ADORA2B: variants seen among roughly 807,000 people sequenced by gnomAD.
ADORA2B encodes adenosine A2b receptor.
A neutral mutation model predicts 20.8 loss-of-function variants in ADORA2B; 18 were observed. The observed-to-expected ratio is 0.87, with a 90% CI of 0.60 to 1.29. The LOEUF is 1.29. Among genes scored for constraint, ADORA2B ranks in the 50% most tolerant of loss-of-function variants. The probability of loss-of-function intolerance (pLI) is 0.00; values close to 1 mark genes in which losing one functional copy is unlikely to be tolerated. For missense variants in ADORA2B, 441 were observed against 422.7 expected (o/e 1.04, Z -0.38); for synonymous variants, 179 against 178.3 (o/e 1.00, Z -0.03).
At chr17:15,952,687 GAAGCT>G (rs1969920551) in intron 1 of ADORA2B, among the ~76,000 whole-genome samples, 1 of 152,218 alleles carries the variant, frequency 6.6e-6, no homozygotes, top group Admixed American at 6.5e-5. Context: ...AGTGAGGAAA[GAAGCT>G]AAGCCCTGGC....
chr17:15,921,815 T>G, the ADORA2B span, among the ~76,000 whole-genome samples: 1 of 152,092 alleles, frequency 6.6e-6, no homozygotes, highest in Non-Finnish European at 1.5e-5. Flanking sequence ...CTTAAGGGAG[T>G]GGCATTTATC....
upstream of ADORA2B, among the ~76,000 whole-genome samples, chr17:15,944,699 G>GC (rs1337146456): frequency 6.6e-6 from 1 of 152,104 alleles, no homozygotes; most frequent in Non-Finnish European, 1.5e-5. This position sits in a 1 kb window ranked among gnomAD's most constrained non-coding sequence, Gnocchi z 4.8. Context: ...CTGCCCGGCA[G>GC]CCCCCCATCC....
intron 1 of ADORA2B, among the ~76,000 whole-genome samples, chr17:15,947,105 G>C (rs1969816954): frequency 6.6e-6 from 1 of 152,174 alleles, no homozygotes; most frequent in African/African-American, 2.4e-5. Flanking sequence ...CGTGCTGTTG[G>C]ACCAGGAGGC....
At chr17:15,912,685 A>T in the ADORA2B span, among the ~76,000 whole-genome samples, 2 of 152,184 alleles carry the variant, frequency 1.3e-5, no homozygotes, top group African/African-American at 2.4e-5. Flanking sequence ...AGTGGTTCAC[A>T]CATGCATATG....
In ADORA2B at chr17:15,974,854, T is replaced by C; in HGVS notation, c.511T>C (p.Cys171Arg). 6.2e-7 allele frequency: 1 copy of C among 1,614,138 alleles called. No homozygotes were observed. Reference sequence around the variant, plus strand: ...GAATGAAAGCTGCTGCCTTGTGAAGTGTCTCTTTGAGAATGTGGTCCCCAT... The same window carrying C: ...GAATGAAAGCTGCTGCCTTGTGAAGCGTCTCTTTGAGAATGTGGTCCCCAT... ...TTNESCCLVK[C>R]LFENVVPMSY... Residue 171 changes from cysteine (C) to arginine (R), a missense_variant, in exon 2 of 2, where the codon TGT becomes CGT. Transcript: ENST00000304222.
chr17:15,971,899 C>T (rs552429485), intron 1 of ADORA2B, among the ~76,000 whole-genome samples: 1 of 152,246 alleles, frequency 6.6e-6, no homozygotes, highest in African/African-American at 2.4e-5. Flanking sequence ...TCCTGAAGTA[C>T]TGGGATTATA....
the ADORA2B span, among the ~76,000 whole-genome samples, chr17:15,924,295 A>G: frequency 6.6e-6 from 1 of 152,200 alleles, no homozygotes; most frequent in Non-Finnish European, 1.5e-5. Flanking sequence ...ATAACCTTCT[A>G]CAACTTTCAT....
At chr17:15,922,656 A>G in the ADORA2B span, among the ~76,000 whole-genome samples, 2 of 152,326 alleles carry the variant, frequency 1.3e-5, no homozygotes, top group South Asian at 2.1e-4. Flanking sequence ...TCTTATGACA[A>G]TGCTATCATT....
At chr17:15,928,689 A>T in the ADORA2B span, among the ~76,000 whole-genome samples, 1 of 152,156 alleles carries the variant, frequency 6.6e-6, no homozygotes, top group East Asian at 1.9e-4. Flanking sequence ...GGACTCCGTG[A>T]AGGTGGGTCA....
At chr17:15,923,739 A>G in the ADORA2B span, among the ~76,000 whole-genome samples, 3,336 of 151,682 alleles carry the variant, frequency 0.022, 61 homozygotes, top group Non-Finnish European at 0.033. Context: ...GTGTTTGGAA[A>G]CCTCATCTTG....
the ADORA2B span, among the ~76,000 whole-genome samples, chr17:15,936,450 CTGGGA>C: frequency 1.3e-5 from 2 of 152,020 alleles, no homozygotes; most frequent in African/African-American, 2.4e-5. Flanking sequence ...TCCCAAGTAG[CTGGGA>C]TTATAGGCCT....
chr17:15,916,793 A>G, the ADORA2B span, among the ~76,000 whole-genome samples: 1 of 152,206 alleles, frequency 6.6e-6, no homozygotes, highest in Non-Finnish European at 1.5e-5. Flanking sequence ...CTCCTCCCTT[A>G]GAAGGGGTTG....
chr17:15,938,485 G>A, the ADORA2B span, among the ~76,000 whole-genome samples: 2 of 152,100 alleles, frequency 1.3e-5, no homozygotes, highest in African/African-American at 4.8e-5. Context: ...TGTATGTGTA[G>A]TAGAGACGAG....
chr17:15,945,241 G>T lies in ADORA2B; in HGVS notation c.-8G>T, dbSNP rs941562234. 3.8e-5 allele frequency: 54 copies of T among 1,417,334 alleles called. No individual in the cohort carries two copies. Among genetic ancestry groups the T allele is most frequent in the Non-Finnish European group, 4.5e-5 (49 of 1,091,994 alleles). The allele number at this position is 1,417,334 out of a possible 1,614,324, so 87.8% of individuals were successfully genotyped here. On this transcript the variant is annotated 5_prime_UTR_variant, in exon 1 of 2. Transcript: ENST00000304222. ...GTAGGGGGCGCCCGGGGCCCAGCTG[G>T]CCCGGCCATGCTGCTGGAGACACAG...
intron 1 of ADORA2B, among the ~76,000 whole-genome samples, chr17:15,969,706 C>A (rs573558041): frequency 6.6e-6 from 1 of 152,350 alleles, no homozygotes; most frequent in East Asian, 1.9e-4. Flanking sequence ...CCACTTCCAT[C>A]ATTTTTGCTG....
chr17:15,869,494 A>T, the ADORA2B span, among the ~76,000 whole-genome samples: 2 of 152,162 alleles, frequency 1.3e-5, no homozygotes, highest in Non-Finnish European at 2.9e-5. Context: ...AGGTTATATT[A>T]TGACCTATAA....
the ADORA2B span, among the ~76,000 whole-genome samples, chr17:15,865,123 A>G: frequency 6.6e-6 from 1 of 152,232 alleles, no homozygotes; most frequent in Non-Finnish European, 1.5e-5. Flanking sequence ...TTTAGTTTAA[A>G]GAGTTTTTGT....
chr17:15,926,493 G>A, the ADORA2B span, among the ~76,000 whole-genome samples: 990 of 152,116 alleles, frequency 6.5e-3, 5 homozygotes, highest in Non-Finnish European at 0.01. Context: ...TCGGGGGAGA[G>A]CTTGATGGGT....
the ADORA2B span, among the ~76,000 whole-genome samples, chr17:15,902,098 G>A: frequency 2.0e-5 from 3 of 152,086 alleles, no homozygotes; most frequent in African/African-American, 7.2e-5. Flanking sequence ...GACTACTCTA[G>A]TACCTCATTT....
Sources: gnomAD v4.1 joint callset for allele counts (sites outside exome capture counted in the v4.1 genomes callset) on GRCh38, gnomAD v4.1.1 for gene constraint, Gnocchi (gnomAD v3.1) non-coding constraint, MANE v1.5 for transcripts, NCBI Gene and HGNC (gene_info 2026-07-23, HGNC 2026-07-21) for gene names.